The following HMGXB3 variants were observed in gnomAD, a reference collection of about 807,000 sequenced individuals.
The protein encoded by HMGXB3 is HMG-box containing 3, also known as HMG domain-containing protein 3.
A neutral mutation model predicts 121.5 loss-of-function variants in HMGXB3; 45 were observed. That is an observed-to-expected ratio of 0.37 (90% confidence interval 0.29 to 0.47). The LOEUF (loss-of-function observed/expected upper bound fraction) is 0.47, where lower values mean the gene tolerates loss of function less well. Among genes scored for constraint, HMGXB3 ranks in the 20% least tolerant of loss-of-function variants. HMGXB3 has a pLI of 0.99. For synonymous variants in HMGXB3, 590 were observed against 624.1 expected, an observed-to-expected ratio of 0.95 and a Z score of 0.81; for missense variants, 1,376 against 1,602.2, an observed-to-expected ratio of 0.86 and a Z score of 2.41.
At chr5:150,032,793 G>A (rs144825264) in intron 11 of HMGXB3, among the ~76,000 whole-genome samples, 190 bp downstream of exon 11, 5 of 152,300 alleles carry the variant, frequency 3.3e-5, no homozygotes, top group African/African-American at 7.2e-5. Context: ...CATTGCCAGG[G>A]TGAAGGGGTT....
intron 11 of HMGXB3, among the ~76,000 whole-genome samples, chr5:150,035,784 A>G (rs980683037): frequency 1.2e-4 from 19 of 152,118 alleles, no homozygotes; most frequent in East Asian, 9.6e-4. Context: ...AGAAAGACCT[A>G]TTTTTAATGA....
chr5:150,026,145 T>A (rs1756225389), intron 7 of HMGXB3, among the ~76,000 whole-genome samples: 2 of 151,918 alleles, frequency 1.3e-5, no homozygotes, highest in African/African-American at 4.8e-5. Flanking sequence ...TTGCTTTTTT[T>A]AAAAAAAATC....
rs746002530 is a variant in HMGXB3 at position 150,050,451 on chromosome 5, A to G, written c.3401A>G (p.Glu1134Gly). 115 of 1,550,100 alleles carry G rather than the reference A, an allele frequency of 7.4e-5. No individual in the cohort carries two copies. Among genetic ancestry groups the G allele is most frequent in the Non-Finnish European group, 9.9e-5 (113 of 1,145,674 alleles). The change falls in exon 19 of 20, where the codon GAG becomes GGG. Residue 1134 changes from glutamate to glycine, a missense_variant. Glu to Gly is a moderately conservative substitution (Grantham distance 98). Transcript: ENST00000502717. Reference protein sequence around the residue: ...RNQGCFSSPTEPPVSVSCPEL... With the variant: ...RNQGCFSSPTGPPVSVSCPEL... ...CAGGGCTGTTTCTCTAGCCCCACAG[A>G]GCCACCTGTGGTGAGTCACCTCCTG...
At chr5:150,006,305 G>C (rs956342052) in intron 2 of HMGXB3, among the ~76,000 whole-genome samples, 168 bp from the exon 3 acceptor site, 1 of 152,138 alleles carries the variant, frequency 6.6e-6, no homozygotes, top group Admixed American at 6.5e-5. Context: ...TAAATGCTTA[G>C]AAATGAGAAG....
chr5:150,009,036 A>T (rs1414745654), intron 3 of HMGXB3, among the ~76,000 whole-genome samples: 1 of 152,166 alleles, frequency 6.6e-6, no homozygotes. Flanking sequence ...GATACTTCTG[A>T]AATTTTTTTT....
intron 6 of HMGXB3, among the ~76,000 whole-genome samples, 153 bp from the exon 7 acceptor site, chr5:150,024,109 A>G (rs1339686442): frequency 6.6e-6 from 1 of 152,252 alleles, no homozygotes. Flanking sequence ...GATTCAGGCT[A>G]GTTTTACACT....
chr5:150,035,089 A>G (rs55756417), intron 11 of HMGXB3, among the ~76,000 whole-genome samples: 18,190 of 152,258 alleles, frequency 0.12, 1,314 homozygotes, highest in Admixed American at 0.26. Flanking sequence ...ATTACAAATG[A>G]AAGTTGTCAT....
chr5:150,048,784 TC>T (rs1756820291), intron 18 of HMGXB3, 99 bp downstream of exon 18: 1 of 886,506 alleles, frequency 1.1e-6, no homozygotes, highest in Admixed American at 2.0e-5. Flanking sequence ...TAGACTTAGG[TC>T]ACTGGGCAAC....
At chr5:150,005,300 T>A (rs1054587604) in intron 2 of HMGXB3, among the ~76,000 whole-genome samples, 1 of 152,062 alleles carries the variant, frequency 6.6e-6, no homozygotes, top group Non-Finnish European at 1.5e-5. Context: ...ATTAATAAAA[T>A]TACAAAATTA....
At chr5:150,039,780 T>C (rs1756583527) in intron 13 of HMGXB3, among the ~76,000 whole-genome samples, 1 of 152,218 alleles carries the variant, frequency 6.6e-6, no homozygotes, top group Non-Finnish European at 1.5e-5. Flanking sequence ...TAAAAAATAT[T>C]TGTATGGGAC....
At chr5:150,015,602 C>A (rs1755942141) in intron 5 of HMGXB3, among the ~76,000 whole-genome samples, 1 of 152,166 alleles carries the variant, frequency 6.6e-6, no homozygotes, top group African/African-American at 2.4e-5. Context: ...TCTTTCTTTT[C>A]TAATGTAGGT....
rs568778022 is a variant in HMGXB3, at chr5:150,052,445, G to C, written c.*253G>C. 6 of 484,944 alleles carry C rather than the reference G, an allele frequency of 1.2e-5. No individual in the cohort carries two copies. The highest frequency in any genetic ancestry group is 9.6e-5 in the African/African-American group (5 of 52,184). The allele number at this position is 484,944 out of a possible 1,614,324, so 30.0% of individuals were successfully genotyped here. ...AGAGAGCACTTGGGGGACACGGTAT[G>C]TTTAATGGAGGGGAGGCTGAGGGAA... On this transcript the variant is annotated 3_prime_UTR_variant, in exon 20 of 20. Coordinates refer to ENST00000502717, the MANE Select transcript of HMGXB3 (RefSeq NM_014983.3).
At chr5:150,016,080 T>C (rs1259656811) in intron 5 of HMGXB3, among the ~76,000 whole-genome samples, 2 of 152,174 alleles carry the variant, frequency 1.3e-5, no homozygotes, top group Non-Finnish European at 2.9e-5. Flanking sequence ...CACGGTGATA[T>C]GTGCCTGTAA....
intron 5 of HMGXB3, among the ~76,000 whole-genome samples, chr5:150,013,882 A>AT (rs1755900031): frequency 1.3e-5 from 2 of 152,226 alleles, no homozygotes; most frequent in African/African-American, 4.8e-5. Context: ...TTGCTGACAG[A>AT]TGAAAAAGTT....
intron 11 of HMGXB3, among the ~76,000 whole-genome samples, chr5:150,035,632 G>A (rs759137500): frequency 1.3e-5 from 2 of 152,082 alleles, no homozygotes; most frequent in South Asian, 2.1e-4. Flanking sequence ...TTACTGAAGC[G>A]GGGAGGGTGG....
chr5:150,051,411 G>T (rs1204044303), intron 19 of HMGXB3, among the ~76,000 whole-genome samples: 1 of 152,180 alleles, frequency 6.6e-6, no homozygotes, highest in African/African-American at 2.4e-5. Context: ...GCATGCTGGG[G>T]ACTCCAGAAA....
chr5:150,039,549 G>T lies in HMGXB3; in HGVS notation c.2414-1199G>T, dbSNP rs1020106159. On this transcript the variant is annotated intron_variant, in intron 13 of 19. Coordinates refer to ENST00000502717, the MANE Select transcript of HMGXB3 (RefSeq NM_014983.3). ...AGGTAATTTGTTGTATTTCTTTGTA[G>T]TAGGTAGAGTATATGTCCTTTTTAT... is the stretch of plus-strand genomic sequence containing the variant. 1.1e-4 allele frequency among the ~76,000 whole-genome samples: 17 copies of T among 152,108 alleles called. No homozygotes were observed. In the South Asian group the frequency reaches 1.7e-3, roughly 15 times the overall value.
Position 150,051,918 on chromosome 5 carries a change from C to G in HMGXB3, c.3605C>G (p.Thr1202Ser). The stretch of plus-strand genomic sequence containing the variant: ...TGCCCTGAATTGGCACCTTACGCAA[C>G]CATCCTGGCCTCCATCGTGGACAGC... ...ALCPELAPYA[T>S]ILASIVDSKP... Residue 1202 changes from threonine (T) to serine (S), a missense_variant, in exon 20 of 20, where the codon ACC becomes AGC. Thr to Ser is a moderately conservative substitution (Grantham distance 58). Around this residue, in one of 2 missense-constraint regions of HMGXB3, gnomAD observed 260 missense variants for 233.2 expected, o/e 1.11. Coordinates refer to ENST00000502717, the MANE Select transcript of HMGXB3 (RefSeq NM_014983.3). 6.4e-7 allele frequency: 1 copy of G among 1,552,176 alleles called. No individual in the cohort carries two copies. Among genetic ancestry groups the G allele is most frequent in the Non-Finnish European group, 8.7e-7 (1 of 1,147,130 alleles).
chr5:150,023,976 C>T (rs1756161428), intron 6 of HMGXB3, among the ~76,000 whole-genome samples: 1 of 152,118 alleles, frequency 6.6e-6, no homozygotes, highest in Admixed American at 6.6e-5. Context: ...CTAAAAAATG[C>T]CAACATTTGG....
Sources: allele counts gnomAD v4.1 joint callset (sites outside exome capture counted in the v4.1 genomes callset), GRCh38; gene constraint gnomAD v4.1.1; regional missense constraint gnomAD v4.1.1; transcripts MANE v1.5; gene names NCBI Gene and HGNC (gene_info 2026-07-23, HGNC 2026-07-21).